The following NRXN1 variants were observed in gnomAD, a reference collection of about 807,000 sequenced individuals.
The protein encoded by NRXN1 is neurexin-1.
A neutral mutation model predicts 150.9 loss-of-function variants in NRXN1; 39 were observed. The observed-to-expected ratio is 0.26, with a 90% confidence interval of 0.20 to 0.34. The LOEUF (loss-of-function observed/expected upper bound fraction) is 0.34. Ranked by LOEUF, NRXN1 falls within the 10% of genes least tolerant of loss-of-function variation. The pLI is 1.00. For missense variants in NRXN1, 1,815 were observed against 1,949.9 expected (o/e 0.93, Z 1.30); for synonymous variants, 924 against 757.0 (o/e 1.22, Z -3.62).
intron 5 of NRXN1, among the ~76,000 whole-genome samples, chr2:50,637,758 G>A (rs1277444698): frequency 6.6e-6 from 1 of 152,142 alleles, no homozygotes; most frequent in African/African-American, 2.4e-5. Context: ...GGCTGGAATA[G>A]GGATGAGGGG....
rs115157711 is a variant in NRXN1, at chr2:50,924,628, A to G, written c.790+1310T>C. ...GCCTGCAGGGTAATATATCATTTTTATCAAGTATATACTCACATGCAATTA... is the reference window on the plus strand; with the variant it reads ...GCCTGCAGGGTAATATATCATTTTTGTCAAGTATATACTCACATGCAATTA... On this transcript the variant is annotated intron_variant, in intron 3 of 22. Coordinates refer to ENST00000401669, the MANE Select transcript of NRXN1 (RefSeq NM_001330078.2). 7.1e-3 allele frequency among the ~76,000 whole-genome samples: 1,075 copies of G among 151,870 alleles called. 8 individuals carry two copies. Among genetic ancestry groups the G allele is most frequent in the African/African-American group, 0.024 (1,015 of 41,526 alleles).
At chr2:50,432,912 C>T (rs576487259) in intron 17 of NRXN1, among the ~76,000 whole-genome samples, 3 of 152,168 alleles carry the variant, frequency 2.0e-5, no homozygotes, top group Non-Finnish European at 4.4e-5. Context: ...ACAGTGAAGG[C>T]TTCCCATCCC....
intron 5 of NRXN1, among the ~76,000 whole-genome samples, chr2:50,792,982 A>T (rs1218137408): frequency 6.6e-6 from 1 of 152,096 alleles, no homozygotes; most frequent in Non-Finnish European, 1.5e-5. Flanking sequence ...ACATTAATTG[A>T]TAGTCTACCA....
intron 18 of NRXN1, among the ~76,000 whole-genome samples, chr2:50,220,215 T>G (rs1369909893): frequency 6.6e-6 from 1 of 150,876 alleles, no homozygotes; most frequent in East Asian, 2.0e-4. Context: ...AACATATTAT[T>G]TTCACTATAC....
At chr2:50,935,686 C>T (rs1008876415) in intron 2 of NRXN1, among the ~76,000 whole-genome samples, 1 of 151,850 alleles carries the variant, frequency 6.6e-6, no homozygotes, top group Non-Finnish European at 1.5e-5. Flanking sequence ...GAGATCACAC[C>T]ACTGCACTCC....
At chr2:50,746,450 A>G (rs923636928) in intron 5 of NRXN1, among the ~76,000 whole-genome samples, 24 of 152,028 alleles carry the variant, frequency 1.6e-4, no homozygotes, top group Middle Eastern at 6.8e-3. Flanking sequence ...TCCCAGCTAC[A>G]TGGAAGCTGA....
At chr2:51,013,474 A>T (rs2105213182) in intron 2 of NRXN1, among the ~76,000 whole-genome samples, 1 of 151,598 alleles carries the variant, frequency 6.6e-6, no homozygotes, top group East Asian at 2.0e-4. Flanking sequence ...TTTGGCAGAA[A>T]TTAGGTTTTG....
intron 21 of NRXN1, among the ~76,000 whole-genome samples, chr2:50,025,614 A>G (rs1688165453): frequency 6.6e-6 from 1 of 152,236 alleles, no homozygotes; most frequent in South Asian, 2.1e-4. Flanking sequence ...GTAGCAGAAA[A>G]TTTGAAAATG....
chr2:50,775,400 G>A (rs997129872), intron 5 of NRXN1, among the ~76,000 whole-genome samples: 5 of 151,958 alleles, frequency 3.3e-5, no homozygotes, highest in African/African-American at 4.8e-5. Context: ...TGTGTTTCTG[G>A]ACTCACTGAT....
chr2:50,327,971 C>T, intron 17 of NRXN1, among the ~76,000 whole-genome samples: 1 of 151,984 alleles, frequency 6.6e-6, no homozygotes, highest in Non-Finnish European at 1.5e-5. Context: ...TACATGGCCA[C>T]TTATTTTTCT....
intron 17 of NRXN1, among the ~76,000 whole-genome samples, chr2:50,387,525 A>G (rs1369891507): frequency 6.6e-6 from 1 of 152,206 alleles, no homozygotes; most frequent in Non-Finnish European, 1.5e-5. Flanking sequence ...CTTTAAAAAT[A>G]TATAACTGTT....
intron 8 of NRXN1, among the ~76,000 whole-genome samples, chr2:50,568,860 T>C (rs543524258): frequency 6.6e-6 from 1 of 152,156 alleles, no homozygotes; most frequent in African/African-American, 2.4e-5. Flanking sequence ...ATTGAAACAC[T>C]AGTCACAATA....
At chr2:50,528,804 G>C (rs867150379) in intron 11 of NRXN1, 153 bp from the exon 12 acceptor site, 5 of 516,700 alleles carry the variant, frequency 9.7e-6, no homozygotes, top group African/African-American at 8.1e-5. Context: ...ATAAAGCCCA[G>C]ATGTTTTGTT....
chr2:50,347,592 C>A lies in NRXN1; in HGVS notation c.3365-110622G>T. On this transcript the variant is annotated intron_variant, in intron 17 of 22. Transcript: ENST00000401669. This position sits in a 1 kb window ranked among gnomAD's most constrained non-coding sequence, Gnocchi z 4.9. ...CATCGCCTGCTCCCGAGGCAATCTC[C>A]GCGTCCGCCGCCTCCTGACACTTAC... 6 of 1,010,326 alleles carry A rather than the reference C, an allele frequency of 5.9e-6. No individual in the cohort carries two copies. The highest frequency in any genetic ancestry group is 7.1e-6 in the Non-Finnish European group (6 of 844,894). 62.6% of individuals were successfully genotyped at this position (1,010,326 alleles called of 1,614,324 possible). A position where few individuals can be genotyped will look rare whatever the true frequency, so the allele number is the denominator to read the frequency against.
chr2:50,890,672 T>C (rs946674113), intron 5 of NRXN1, among the ~76,000 whole-genome samples: 3 of 151,828 alleles, frequency 2.0e-5, no homozygotes, highest in Admixed American at 2.0e-4. Context: ...CTTAAAATAG[T>C]ATCTTCAGGG....
At chr2:50,495,004 C>A (rs190450237) in intron 15 of NRXN1, among the ~76,000 whole-genome samples, 5 of 148,870 alleles carry the variant, frequency 3.4e-5, no homozygotes, top group African/African-American at 5.0e-5. Flanking sequence ...GCACTCCAGC[C>A]TGGGTGACGG....
intron 21 of NRXN1, among the ~76,000 whole-genome samples, chr2:49,947,681 AT>A (rs1673199987): frequency 6.6e-6 from 1 of 151,360 alleles, no homozygotes; most frequent in Non-Finnish European, 1.5e-5. Flanking sequence ...TAAAATACAC[AT>A]GACAGCTTGA....
intron 2 of NRXN1, among the ~76,000 whole-genome samples, chr2:50,974,158 A>AT (rs1403189092): frequency 3.9e-5 from 6 of 152,120 alleles, no homozygotes; most frequent in African/African-American, 1.4e-4. Flanking sequence ...TCAAACTGCC[A>AT]TTTTTTCTCA....
rs185009079 is a variant in NRXN1, at chr2:50,134,295, G to C, written c.3547-42801C>G. Among the ~76,000 whole-genome samples the C allele has an allele frequency of 1.8e-3, 244 of 132,974 alleles. 4 individuals are homozygous for C. Among genetic ancestry groups the C allele is most frequent in the Admixed American group, 0.016 (215 of 13,244 alleles). The allele number at this position is 132,974 out of a possible 152,430, so 87.2% of individuals were successfully genotyped here. ...CCAGAAAAAAAAAAAAAAAAAAAGA[G>C]AACACTAAGCAAACAGGTTTTCCCT... On this transcript the variant is annotated intron_variant, in intron 18 of 22. Coordinates refer to ENST00000401669, the MANE Select transcript of NRXN1 (RefSeq NM_001330078.2).
Sources: allele counts gnomAD v4.1 joint callset (sites outside exome capture counted in the v4.1 genomes callset), GRCh38; gene constraint gnomAD v4.1.1; non-coding constraint Gnocchi (gnomAD v3.1); transcripts MANE v1.5; gene names NCBI Gene and HGNC (gene_info 2026-07-23, HGNC 2026-07-21).